The following PHACTR3 variants were observed in gnomAD, a reference collection of about 807,000 sequenced individuals.
PHACTR3 encodes the protein phosphatase and actin regulator 3, also known as protein phosphatase 1, regulatory subunit 123.
A neutral mutation model predicts 66.8 loss-of-function variants in PHACTR3; 16 were observed. That is an observed-to-expected ratio of 0.24 (90% confidence interval 0.16 to 0.36). The LOEUF is 0.36. Ranked by LOEUF, PHACTR3 falls within the 10% of genes least tolerant of loss-of-function variation. PHACTR3 has a pLI of 1.00. For missense variants in PHACTR3, 647 were observed against 719.9 expected, an observed-to-expected ratio of 0.90 and a Z score of 1.16; for synonymous variants, 323 against 292.1, an observed-to-expected ratio of 1.11 and a Z score of -1.08.
In PHACTR3 at chr20:59,847,163, T is replaced by C. The variant is rs1485015986; in HGVS notation, c.*33T>C. 1.4e-6 allele frequency: 2 copies of C among 1,480,562 alleles called. No homozygotes were observed. Among genetic ancestry groups the C allele is most frequent in the South Asian group, 1.2e-5 (1 of 85,362 alleles). The allele number at this position is 1,480,562 out of a possible 1,614,324, so 91.7% of individuals were successfully genotyped here. ...CTTCTGAGAAGAATTTGTGTTTAATTTTTTGATACCAACACTGAACATTCA... is the reference window on the plus strand; with the variant it reads ...CTTCTGAGAAGAATTTGTGTTTAATCTTTTGATACCAACACTGAACATTCA... On this transcript the variant is annotated 3_prime_UTR_variant, in exon 13 of 13. Coordinates refer to ENST00000371015, the MANE Select transcript of PHACTR3 (RefSeq NM_080672.5).
At chr20:59,717,526 ACT>A (rs2038134116) in intron 1 of PHACTR3, among the ~76,000 whole-genome samples, 1 of 152,164 alleles carries the variant, frequency 6.6e-6, no homozygotes, top group Non-Finnish European at 1.5e-5. Context: ...TAGCATTATC[ACT>A]CAGGTTCTAG....
intron 1 of PHACTR3, among the ~76,000 whole-genome samples, chr20:59,688,241 T>C (rs1258139278): frequency 2.0e-5 from 3 of 152,206 alleles, no homozygotes; most frequent in Non-Finnish European, 4.4e-5. Context: ...CGAGTGAATA[T>C]ATGACAAAAA....
intron 3 of PHACTR3, among the ~76,000 whole-genome samples, chr20:59,751,825 C>T (rs1268765431): frequency 6.6e-6 from 1 of 152,062 alleles, no homozygotes; most frequent in East Asian, 1.9e-4. Flanking sequence ...CTCTTCAGTG[C>T]TCCTTCCACC....
At chr20:59,663,636 T>C (rs2035890826) in intron 1 of PHACTR3, among the ~76,000 whole-genome samples, 1 of 152,216 alleles carries the variant, frequency 6.6e-6, no homozygotes. Context: ...CACCAAGCCC[T>C]CACGCAGAGC....
intron 9 of PHACTR3, among the ~76,000 whole-genome samples, chr20:59,837,862 C>T (rs959443539): frequency 6.6e-6 from 1 of 152,190 alleles, no homozygotes; most frequent in Non-Finnish European, 1.5e-5. Context: ...AGACCTTTAA[C>T]CCAGGAACCA....
intron 1 of PHACTR3, among the ~76,000 whole-genome samples, chr20:59,578,168 G>A (rs1312686796): frequency 6.6e-6 from 1 of 152,248 alleles, no homozygotes; most frequent in Non-Finnish European, 1.5e-5. Flanking sequence ...TGCAGTTCAA[G>A]GGATGGGATC....
At chr20:59,615,421 C>G (rs1046803844) in intron 1 of PHACTR3, among the ~76,000 whole-genome samples, 1 of 152,128 alleles carries the variant, frequency 6.6e-6, no homozygotes, top group Non-Finnish European at 1.5e-5. Context: ...ATCGTGCATC[C>G]GGGAAGCTCA....
chr20:59,703,314 A>G (rs2146618218), intron 1 of PHACTR3, among the ~76,000 whole-genome samples: 1 of 152,330 alleles, frequency 6.6e-6, no homozygotes, highest in South Asian at 2.1e-4. Context: ...TTTAAGTCTA[A>G]GTCTTTTGAA....
At chr20:59,780,201 C>A (rs1162579514) in intron 7 of PHACTR3, among the ~76,000 whole-genome samples, 2 of 152,200 alleles carry the variant, frequency 1.3e-5, no homozygotes, top group Non-Finnish European at 2.9e-5. Flanking sequence ...CAGACAGCTT[C>A]TCCCAGGTGC....
chr20:59,716,372 C>G lies in PHACTR3; in HGVS notation c.119-26735C>G, dbSNP rs113406494. On this transcript the variant is annotated intron_variant, in intron 1 of 12. Transcript: ENST00000371015. ...GGTTCAAGCGATTCTTGTGCCTCAGCCTCCCAAGAAGCTGGAATTATAGGT... is the reference window on the plus strand; with the variant it reads ...GGTTCAAGCGATTCTTGTGCCTCAGGCTCCCAAGAAGCTGGAATTATAGGT... 6.0e-3 allele frequency among the ~76,000 whole-genome samples: 910 copies of G among 152,042 alleles called. 7 individuals are homozygous for G. The highest frequency in any genetic ancestry group is 9.9e-3 in the Non-Finnish European group (676 of 67,982).
chr20:59,751,349 G>A (rs2039573742), intron 3 of PHACTR3, among the ~76,000 whole-genome samples: 1 of 152,214 alleles, frequency 6.6e-6, no homozygotes, highest in African/African-American at 2.4e-5. Flanking sequence ...GCCCTGTGAG[G>A]CTGTGGGAGT....
intron 1 of PHACTR3, among the ~76,000 whole-genome samples, chr20:59,598,302 G>T (rs1303675369): frequency 6.6e-6 from 1 of 152,234 alleles, no homozygotes; most frequent in African/African-American, 2.4e-5. Flanking sequence ...TTTTTGTTCT[G>T]CTAATGGTGA....
intron 4 of PHACTR3, among the ~76,000 whole-genome samples, chr20:59,766,041 G>A (rs1189444849): frequency 6.6e-6 from 1 of 152,216 alleles, no homozygotes; most frequent in Non-Finnish European, 1.5e-5. Flanking sequence ...TTGGATCAGA[G>A]GGAAGGAAGA....
rs11477768 is a variant in PHACTR3, at chr20:59,604,877, C to CT, written c.-116dup. On this transcript the variant is annotated 5_prime_UTR_variant, in exon 1 of 13. Transcript: ENST00000371015. ...TCTCCAGCTCGTTTCCTTTCCCGGC[C>CT]TTTTTTTTTTTTTTTTTTTTTTAAT... is the stretch of plus-strand genomic sequence containing the variant. The CT allele has an allele frequency of 0.16, 147,375 of 937,854 alleles. 1,444 individuals carry two copies. The highest frequency in any genetic ancestry group is 0.2 in the African/African-American group (9,344 of 46,314). 58.1% of individuals were successfully genotyped at this position (937,854 alleles called of 1,614,324 possible).
intron 1 of PHACTR3, among the ~76,000 whole-genome samples, chr20:59,615,413 C>T (rs2033993032): frequency 1.3e-5 from 2 of 152,178 alleles, no homozygotes; most frequent in South Asian, 2.1e-4. Context: ...AAAGGGGCAT[C>T]GTGCATCCGG....
intron 1 of PHACTR3, among the ~76,000 whole-genome samples, chr20:59,734,711 T>A (rs1275409567): frequency 6.6e-6 from 1 of 152,044 alleles, no homozygotes; most frequent in African/African-American, 2.4e-5. Context: ...GAAATTTTAC[T>A]GGGTTTCTGA....
In PHACTR3 at chr20:59,736,421, T is replaced by C. The variant is rs1042605678; in HGVS notation, c.119-6686T>C. ...GGTGCTCCCATCTGTCCCTTCCCTC[T>C]GTGGACAGGTGTGCATGGGCCACAT... On this transcript the variant is annotated intron_variant, in intron 1 of 12. Coordinates refer to ENST00000371015, the MANE Select transcript of PHACTR3 (RefSeq NM_080672.5). The surrounding 1 kb of genome is among the most constrained non-coding windows in gnomAD (Gnocchi z 4.6). Among the ~76,000 whole-genome samples, 4 of 152,104 alleles carry C rather than the reference T, an allele frequency of 2.6e-5. No homozygotes were observed. The highest frequency in any genetic ancestry group is 4.4e-5 in the Non-Finnish European group (3 of 67,988).
intron 2 of PHACTR3, 147 bp from the exon 3 acceptor site, chr20:59,747,611 G>C (rs1268888094): frequency 5.0e-6 from 4 of 795,920 alleles, no homozygotes; most frequent in Admixed American, 2.4e-5. Context: ...GTTGGGCCTC[G>C]CCAGTGGACT....
At position 59,738,697 on chromosome 20, in the gene PHACTR3, T is replaced by C. The variant is rs570428280; in HGVS notation, c.119-4410T>C. Among the ~76,000 whole-genome samples, 1 of 152,262 alleles carries C rather than the reference T, an allele frequency of 6.6e-6. No individual in the cohort carries two copies. Among genetic ancestry groups the C allele is most frequent in the Admixed American group, 6.5e-5 (1 of 15,292 alleles). ...GCTGTGGCCCTCAGCAGACCCTGAT[T>C]CCTCCAGATCCTTCCTGACACTCCC... On this transcript the variant is annotated intron_variant, in intron 1 of 12. Coordinates refer to ENST00000371015, the MANE Select transcript of PHACTR3 (RefSeq NM_080672.5). The surrounding 1 kb of genome is among the most constrained non-coding windows in gnomAD (Gnocchi z 4.4).
Sources: gnomAD v4.1 joint callset for allele counts (sites outside exome capture counted in the v4.1 genomes callset) on GRCh38, gnomAD v4.1.1 for gene constraint, Gnocchi (gnomAD v3.1) non-coding constraint, MANE v1.5 for transcripts, NCBI Gene and HGNC (gene_info 2026-07-23, HGNC 2026-07-21) for gene names.